The following CD300LF variants were observed in gnomAD, a reference collection of about 807,000 sequenced individuals.
The protein encoded by CD300LF is CD300 molecule like family member f.
CD300LF carries 27 observed loss-of-function variants against 32.2 expected under a neutral mutation model. The observed-to-expected ratio is 0.84, with a 90% confidence interval of 0.62 to 1.15. The LOEUF is 1.15. CD300LF is among the 50% of genes most tolerant of loss of function. The pLI is 0.00. For synonymous variants in CD300LF, 139 were observed against 143.2 expected (o/e 0.97, Z 0.21); for missense variants, 348 against 356.8 (o/e 0.98, Z 0.20).
intron 4 of CD300LF, among the ~76,000 whole-genome samples, chr17:74,696,906 T>G (rs2032536740): frequency 1.4e-5 from 1 of 70,654 alleles, no homozygotes; most frequent in Admixed American, 1.8e-4. Context: ...CCGATTTTGT[T>G]TGGTTTGGTT....
chr17:74,712,702 G>A, intron 1 of CD300LF, 122 bp downstream of exon 1: 1 of 977,370 alleles, frequency 1.0e-6, no homozygotes, highest in South Asian at 1.4e-5. Context: ...TGGGTATGTG[G>A]ATGAAACGCA....
chr17:74,710,866 CA>C (rs111331327), intron 1 of CD300LF, among the ~76,000 whole-genome samples: 251 of 136,560 alleles, frequency 1.8e-3, no homozygotes, highest in African/African-American at 5.9e-3. Context: ...GACTCTGTCT[CA>C]AAAAAAAAAA....
rs776117723 is a variant in CD300LF at position 74,704,468 on chromosome 17, T to A, written c.382+10A>T. ...CTGAGAGACACACACATATATACAC[T>A]CCCTCTTACCTGGGTCAATGGTCAC... On this transcript the variant is annotated intron_variant, in intron 2 of 6. Coordinates refer to ENST00000326165, the MANE Select transcript of CD300LF (RefSeq NM_139018.5). The A allele has an allele frequency of 5.0e-6, 8 of 1,594,324 alleles. No homozygotes were observed. The highest frequency in any genetic ancestry group is 2.6e-6 in the Non-Finnish European group (3 of 1,165,742).
intron 4 of CD300LF, among the ~76,000 whole-genome samples, chr17:74,698,074 A>T (rs1234297126): frequency 1.3e-5 from 2 of 152,172 alleles, no homozygotes; most frequent in African/African-American, 4.8e-5. Flanking sequence ...ACCTAAGACC[A>T]TTGCCACCTA....
At position 74,706,765 on chromosome 17, in the gene CD300LF, G is replaced by C. The variant is rs189279647; in HGVS notation, c.44-1949C>G. The stretch of plus-strand genomic sequence containing the variant: ...AGTGTCAGAGAGACCCTGGGAAGGG[G>C]TGAGGACCACGGCAGCCTGGATTGG... On this transcript the variant is annotated intron_variant, in intron 1 of 6. Coordinates refer to ENST00000326165, the MANE Select transcript of CD300LF (RefSeq NM_139018.5). Among the ~76,000 whole-genome samples the C allele has an allele frequency of 2.0e-5, 3 of 152,334 alleles. No individual in the cohort carries two copies. In the East Asian group the frequency reaches 5.8e-4, roughly 29 times the overall value.
chr17:74,695,169 C>T lies in CD300LF; in HGVS notation c.800G>A (p.Gly267Asp). Residue 267 changes from glycine to aspartate, a missense_variant, in exon 7 of 7, where the codon GGC becomes GAC. Physicochemically the swap from Gly to Asp is moderately conservative, Grantham distance 94. Transcript: ENST00000326165. The stretch of plus-strand genomic sequence containing the variant: ...GCCGGGGAGGTGGCTACTGAGGTGG[C>T]CCATGTTGCAGTAGGTCGGTTCCTG... ...EDQEPTYCNM[G>D]HLSSHLPGRG... 1 of 1,614,154 alleles carries T rather than the reference C, an allele frequency of 6.2e-7. No homozygotes were observed. Among genetic ancestry groups the T allele is most frequent in the Non-Finnish European group, 8.5e-7 (1 of 1,180,016 alleles).
At chr17:74,707,972 A>AC (rs1192491860) in intron 1 of CD300LF, among the ~76,000 whole-genome samples, 1 of 151,700 alleles carries the variant, frequency 6.6e-6, no homozygotes, top group Non-Finnish European at 1.5e-5. Flanking sequence ...ACATGGTGAA[A>AC]CCCCATCTCT....
intron 1 of CD300LF, among the ~76,000 whole-genome samples, chr17:74,706,010 G>A (rs549836162): frequency 5.3e-5 from 8 of 152,204 alleles, no homozygotes; most frequent in African/African-American, 1.2e-4. Context: ...ACCAAATACC[G>A]CATGTTCTCA....
chr17:74,703,474 C>T (rs1000417750), intron 2 of CD300LF, among the ~76,000 whole-genome samples: 1 of 152,152 alleles, frequency 6.6e-6, no homozygotes, highest in Admixed American at 6.5e-5. Flanking sequence ...ACCCCCAGCC[C>T]TATTTATCCA....
chr17:74,708,606 G>T (rs1423110414), intron 1 of CD300LF, among the ~76,000 whole-genome samples: 1 of 152,138 alleles, frequency 6.6e-6, no homozygotes, highest in East Asian at 1.9e-4. Flanking sequence ...CACCCAAAAT[G>T]GTTTTTAACA....
chr17:74,709,746 T>C (rs1306099032), intron 1 of CD300LF, among the ~76,000 whole-genome samples: 1 of 152,028 alleles, frequency 6.6e-6, no homozygotes, highest in Non-Finnish European at 1.5e-5. Flanking sequence ...GCTAGTATTT[T>C]TTTTTTTGGA....
At chr17:74,705,887 G>T (rs530592566) in intron 1 of CD300LF, among the ~76,000 whole-genome samples, 13 of 152,132 alleles carry the variant, frequency 8.5e-5, no homozygotes, top group African/African-American at 3.1e-4. Flanking sequence ...GCCCCACAAC[G>T]CCTGGCCTGT....
At chr17:74,702,277 G>T (rs931912930) in intron 3 of CD300LF, among the ~76,000 whole-genome samples, 1 of 152,118 alleles carries the variant, frequency 6.6e-6, no homozygotes. Flanking sequence ...GCAGATGGTT[G>T]GGCAGGGCAC....
intron 3 of CD300LF, among the ~76,000 whole-genome samples, chr17:74,702,239 G>A (rs913124150): frequency 2.0e-5 from 3 of 151,992 alleles, no homozygotes; most frequent in African/African-American, 4.8e-5. Context: ...TAAAGGGGAC[G>A]TTCCTCTTCT....
At chr17:74,700,192 A>G (rs2032917967) in intron 3 of CD300LF, among the ~76,000 whole-genome samples, 1 of 151,982 alleles carries the variant, frequency 6.6e-6, no homozygotes, top group African/African-American at 2.4e-5. Flanking sequence ...AACAATCAAA[A>G]TAAAATAAAT....
chr17:74,698,565 G>A (rs1428725714), intron 3 of CD300LF, 84 bp from the exon 4 acceptor site: 53 of 1,533,316 alleles, frequency 3.5e-5, no homozygotes, highest in Non-Finnish European at 3.5e-5. Context: ...CAGCAGGGGA[G>A]GGCCACACAC....
chr17:74,699,925 G>C (rs1236496578), intron 3 of CD300LF, among the ~76,000 whole-genome samples: 1 of 151,988 alleles, frequency 6.6e-6, no homozygotes, highest in African/African-American at 2.4e-5. Context: ...CAGGTCACTT[G>C]AGGTCAGGAG....
chr17:74,708,757 A>T lies in CD300LF; in HGVS notation c.44-3941T>A, dbSNP rs541456455. Among the ~76,000 whole-genome samples the T allele has an allele frequency of 7.5e-3, 1,134 of 152,188 alleles. 15 individuals are homozygous for T. Among genetic ancestry groups the T allele is most frequent in the African/African-American group, 0.026 (1,060 of 41,518 alleles). ...CGGTGAAACCCTGTCTCTACTAAAA[A>T]TACAAAAAATTAGCCAGGCGTGGTG... is the stretch of plus-strand genomic sequence containing the variant. On this transcript the variant is annotated intron_variant, in intron 1 of 6. Coordinates refer to ENST00000326165, the MANE Select transcript of CD300LF (RefSeq NM_139018.5).
Position 74,694,418 on chromosome 17 carries a change from C to A in CD300LF, c.*678G>T, listed in dbSNP as rs1160050377. The A allele has an allele frequency of 6.6e-6, 1 of 152,162 alleles. No homozygotes were observed. The highest frequency in any genetic ancestry group is 1.5e-5 in the Non-Finnish European group (1 of 68,038). The allele number at this position is 152,162 out of a possible 1,614,324, so 9.4% of individuals were successfully genotyped here. A position where few individuals can be genotyped will look rare whatever the true frequency, so the allele number is the denominator to read the frequency against. ...GTCAAGGCGTGGGCAGGGCTGGTTT[C>A]TTTTGGAGGCTCCAGGCAGGGGAAT... On this transcript the variant is annotated 3_prime_UTR_variant, in exon 7 of 7. Transcript: ENST00000326165.
Sources: allele counts gnomAD v4.1 joint callset (sites outside exome capture counted in the v4.1 genomes callset), GRCh38; gene constraint gnomAD v4.1.1; transcripts MANE v1.5; gene names NCBI Gene and HGNC (gene_info 2026-07-23, HGNC 2026-07-21).